LRRTM4: variants seen among roughly 807,000 people sequenced by gnomAD.
LRRTM4 encodes the protein leucine rich repeat transmembrane neuronal 4.
LRRTM4 carries 25 observed loss-of-function variants against 47.6 expected under a neutral mutation model. The observed-to-expected ratio is 0.53, with a 90% CI of 0.38 to 0.73. LRRTM4 has a LOEUF of 0.73. Among genes scored for constraint, LRRTM4 ranks in the 30% least tolerant of loss-of-function variants. The probability of loss-of-function intolerance (pLI) is 0.00; values close to 1 mark genes in which losing one functional copy is unlikely to be tolerated. For missense variants in LRRTM4, 638 were observed against 713.4 expected (o/e 0.89, Z 1.20); for synonymous variants, 311 against 269.5 (o/e 1.15, Z -1.51).
intron 3 of LRRTM4, among the ~76,000 whole-genome samples, chr2:76,907,341 T>C (rs1158769255): frequency 6.6e-6 from 1 of 151,146 alleles, no homozygotes; most frequent in African/African-American, 2.4e-5. Context: ...GCATTCAAAG[T>C]AGTGTGTAAA....
chr2:77,027,402 A>G (rs1678492404), intron 3 of LRRTM4, among the ~76,000 whole-genome samples: 1 of 152,174 alleles, frequency 6.6e-6, no homozygotes, highest in Admixed American at 6.5e-5. Flanking sequence ...TGCCAAAATT[A>G]ATTTTCAGTA....
intron 3 of LRRTM4, among the ~76,000 whole-genome samples, chr2:77,160,567 C>T (rs1672684632): frequency 6.6e-6 from 1 of 151,950 alleles, no homozygotes; most frequent in African/African-American, 2.4e-5. Flanking sequence ...AGGGACAAAG[C>T]ATGGATGGAT....
chr2:77,514,053 CACAA>C (rs1225959156), intron 3 of LRRTM4, among the ~76,000 whole-genome samples: 1 of 151,746 alleles, frequency 6.6e-6, no homozygotes, highest in Non-Finnish European at 1.5e-5. Flanking sequence ...TATGCACACA[CACAA>C]ACACACACAC....
intron 3 of LRRTM4, among the ~76,000 whole-genome samples, chr2:76,759,696 C>G (rs140101644): frequency 1.3e-5 from 2 of 152,094 alleles, no homozygotes; most frequent in East Asian, 1.9e-4. Flanking sequence ...TTTCACCAAG[C>G]CTTTTCCTCC....
intron 3 of LRRTM4, among the ~76,000 whole-genome samples, chr2:76,812,781 CTCCTCTCCCTCCCCCCCCT>C (rs1558670795): frequency 5.3e-4 from 67 of 127,464 alleles, no homozygotes; most frequent in East Asian, 2.8e-3. Context: ...CCTCCCCCTC[CTCCTCTCCCTCCCCCCCCT>C]CCTCCTCCTT....
chr2:77,217,201 T>A (rs2103937143), intron 3 of LRRTM4, among the ~76,000 whole-genome samples: 1 of 151,534 alleles, frequency 6.6e-6, no homozygotes, highest in Non-Finnish European at 1.5e-5. Context: ...GATGTACAAC[T>A]ATTGTTGACA....
chr2:77,490,625 A>AATAAT (rs2104044391), intron 3 of LRRTM4, among the ~76,000 whole-genome samples: 1 of 85,994 alleles, frequency 1.2e-5, no homozygotes, highest in South Asian at 4.2e-4. Flanking sequence ...CAAAAATAAT[A>AATAAT]AAAAAAAACA....
intron 3 of LRRTM4, among the ~76,000 whole-genome samples, chr2:77,066,753 A>G (rs1679968911): frequency 6.6e-6 from 1 of 152,234 alleles, no homozygotes. Context: ...GTATTAAAAT[A>G]ATAGGAGCTA....
At chr2:77,118,307 T>C (rs1671441698) in intron 3 of LRRTM4, among the ~76,000 whole-genome samples, 1 of 151,510 alleles carries the variant, frequency 6.6e-6, no homozygotes, top group East Asian at 1.9e-4. Flanking sequence ...TGACATAATA[T>C]CGAGAAAAAA....
chr2:77,462,947 G>T (rs1171480923), intron 3 of LRRTM4, among the ~76,000 whole-genome samples: 1 of 151,828 alleles, frequency 6.6e-6, no homozygotes, highest in African/African-American at 2.4e-5. Context: ...TTACACAGAA[G>T]AAATGACTAA....
rs113839394 is a variant in LRRTM4, at chr2:76,925,397, C to G, written c.1552-176481G>C. Among the ~76,000 whole-genome samples, 801 of 152,224 alleles carry G rather than the reference C, an allele frequency of 5.3e-3. 5 individuals carry two copies. The highest frequency in any genetic ancestry group is 0.018 in the African/African-American group (748 of 41,552). ...CCTTTAACAAAAATCACAGCCTCAG[C>G]TGACCCCTTGATTTCAGCCTCTGAG... On this transcript the variant is annotated intron_variant, in intron 3 of 3. Transcript: ENST00000409884.
chr2:77,308,115 ATTTATATATAAT>A (rs1677343656), intron 3 of LRRTM4, among the ~76,000 whole-genome samples: 1 of 139,588 alleles, frequency 7.2e-6, no homozygotes, highest in African/African-American at 2.8e-5. Context: ...GTTATATATT[ATTTATATATAAT>A]TTTATCTATA....
chr2:77,015,887 T>A (rs6724799), intron 3 of LRRTM4, among the ~76,000 whole-genome samples: 1 of 151,492 alleles, frequency 6.6e-6, no homozygotes, highest in African/African-American at 2.4e-5. Flanking sequence ...GAGTCTGAGA[T>A]GGGTGGATTA....
intron 3 of LRRTM4, among the ~76,000 whole-genome samples, chr2:76,997,581 C>G (rs918080100): frequency 6.6e-6 from 1 of 152,098 alleles, no homozygotes; most frequent in African/African-American, 2.4e-5. Flanking sequence ...CTGATTCAGT[C>G]TACTAATTTA....
At chr2:77,264,963 A>G (rs1339590865) in intron 3 of LRRTM4, among the ~76,000 whole-genome samples, 1 of 152,098 alleles carries the variant, frequency 6.6e-6, no homozygotes, top group East Asian at 1.9e-4. Flanking sequence ...ATTTGTTTTC[A>G]AAGATGGTAA....
At chr2:76,794,149 A>C (rs1004110989) in intron 3 of LRRTM4, among the ~76,000 whole-genome samples, 8 of 151,364 alleles carry the variant, frequency 5.3e-5, no homozygotes, top group African/African-American at 2.0e-4. Flanking sequence ...TGAGCAGTTC[A>C]TATGTAGGCC....
intron 3 of LRRTM4, among the ~76,000 whole-genome samples, chr2:76,892,283 T>A (rs77844686): frequency 0.081 from 12,216 of 151,596 alleles, 874 homozygotes; most frequent in East Asian, 0.37. Flanking sequence ...AGAAGCTGCA[T>A]CCATTAGAAA....
At chr2:77,430,012 GCTGCAATTCTGCCACTGCACTCCAGCAGC>G (rs1558739817) in intron 3 of LRRTM4, among the ~76,000 whole-genome samples, 1 of 152,102 alleles carries the variant, frequency 6.6e-6, no homozygotes, top group East Asian at 1.9e-4. Flanking sequence ...GTTGCAGTGA[GCTGCAATTCTGCCACTGCACTCCAGCAGC>G]CTGGGCAGCA....
intron 3 of LRRTM4, among the ~76,000 whole-genome samples, chr2:76,829,204 A>C (rs1223111786): frequency 6.6e-6 from 1 of 152,014 alleles, no homozygotes; most frequent in East Asian, 1.9e-4. Flanking sequence ...ACATAACCCA[A>C]GAGCAACTGT....
Sources: gnomAD v4.1 joint callset for allele counts (sites outside exome capture counted in the v4.1 genomes callset) on GRCh38, gnomAD v4.1.1 for gene constraint, MANE v1.5 for transcripts, NCBI Gene and HGNC (gene_info 2026-07-23, HGNC 2026-07-21) for gene names.